ITGA2B: variants seen among roughly 807,000 people sequenced by gnomAD.
ITGA2B encodes the protein integrin subunit alpha 2b, also known as integrin alpha-IIb.
In ITGA2B, 91 loss-of-function variants were observed where a neutral mutation model predicts 142.0. The observed-to-expected ratio is 0.64, with a 90% CI of 0.54 to 0.76. The LOEUF (loss-of-function observed/expected upper bound fraction) is 0.76. Among genes scored for constraint, ITGA2B ranks in the 30% least tolerant of loss-of-function variants. ITGA2B has a pLI of 0.00. For missense variants in ITGA2B, 1,231 were observed against 1,350.8 expected (o/e 0.91, Z 1.39); for synonymous variants, 536 against 567.2 (o/e 0.94, Z 0.78).
intron 8 of ITGA2B, 56 bp downstream of exon 8, chr17:44,384,482 A>G: frequency 6.2e-7 from 1 of 1,610,976 alleles, no homozygotes; most frequent in Non-Finnish European, 8.5e-7. Flanking sequence ...AGATTTCAGG[A>G]AGGCGCTCCT....
chr17:44,384,686 C>T, intron 7 of ITGA2B, 101 bp from the exon 8 acceptor site: 1 of 1,427,148 alleles, frequency 7.0e-7, no homozygotes, highest in East Asian at 2.3e-5. Context: ...CCCAGCCCTG[C>T]ATTGTGCAGA....
chr17:44,385,759 G>C, intron 3 of ITGA2B, 43 bp from the exon 4 acceptor site: 1 of 1,612,982 alleles, frequency 6.2e-7, no homozygotes, highest in Non-Finnish European at 8.5e-7. Context: ...CGAGACTTGG[G>C]CTCCTCCTGG....
Position 44,385,540 on chromosome 17 carries a change from C to T in ITGA2B, c.574+11G>A, listed in dbSNP as rs2048639323. 6.4e-7 allele frequency: 1 copy of T among 1,552,366 alleles called. No individual in the cohort carries two copies. The highest frequency in any genetic ancestry group is 2.4e-5 in the East Asian group (1 of 42,066). On this transcript the variant is annotated intron_variant, in intron 4 of 29. Coordinates refer to ENST00000262407, the MANE Select transcript of ITGA2B (RefSeq NM_000419.5). The stretch of plus-strand genomic sequence containing the variant: ...GCGAGTGGGCGGGGCCAGGTCGTAG[C>T]TGGCGCTTACTAAAATCATTTTCCA...
At chr17:44,375,243 G>A in intron 26 of ITGA2B, 132 bp from the exon 27 acceptor site, 1 of 765,066 alleles carries the variant, frequency 1.3e-6, no homozygotes, top group Non-Finnish European at 2.2e-6. Context: ...ATCAGGAAGG[G>A]CCTTGGATCC....
chr17:44,373,144 T>TTTTTC (rs66936014), intron 29 of ITGA2B, among the ~76,000 whole-genome samples: 3 of 151,738 alleles, frequency 2.0e-5, no homozygotes, highest in African/African-American at 7.3e-5. Context: ...CCACCTGGAA[T>TTTTTC]TTTTCTTTTC....
At position 44,376,385 on chromosome 17, in the gene ITGA2B, C is replaced by T. The variant is rs1213763098; in HGVS notation, c.2271G>A (p.Lys757=). Residue 757 remains lysine, a synonymous_variant, in exon 23 of 30, where the codon AAG becomes AAA. Transcript: ENST00000262407. ...TCTTGCTGTTTGGATTCTGGCTGTT[C>T]TTGCTAGAGGGGAGGGGATGAGGAG... The part of the protein sequence containing the change: ...SVSFQLQIRS[K]NSQNPNSKIV... 1 of 1,614,182 alleles carries T rather than the reference C, an allele frequency of 6.2e-7. No individual in the cohort carries two copies. Among genetic ancestry groups the T allele is most frequent in the Non-Finnish European group, 8.5e-7 (1 of 1,180,024 alleles).
At chr17:44,376,883 G>A in intron 22 of ITGA2B, 126 bp downstream of exon 22, 1 of 752,948 alleles carries the variant, frequency 1.3e-6, no homozygotes, top group South Asian at 1.5e-5. Context: ...AACGTGCTGG[G>A]ATTACAGGTG....
rs145564830 is a variant in ITGA2B, at chr17:44,374,785, G to A, written c.2842-25C>T. 1,283 of 1,590,544 alleles carry A rather than the reference G, an allele frequency of 8.1e-4. 2 individuals carry two copies. Among genetic ancestry groups the A allele is most frequent in the Non-Finnish European group, 1.1e-3 (1,237 of 1,158,990 alleles). On this transcript the variant is annotated intron_variant, in intron 27 of 29. Coordinates refer to ENST00000262407, the MANE Select transcript of ITGA2B (RefSeq NM_000419.5). ...TCTGGACAGGTTGGGGTTGAAAGCCGTTTACACCCACAAGAGGCCTATTGG... is the reference window on the plus strand; with the variant it reads ...TCTGGACAGGTTGGGGTTGAAAGCCATTTACACCCACAAGAGGCCTATTGG...
intron 1 of ITGA2B, among the ~76,000 whole-genome samples, chr17:44,388,351 CTTT>C (rs35720866): frequency 1.0e-5 from 1 of 97,362 alleles, no homozygotes; most frequent in Non-Finnish European, 1.9e-5. Flanking sequence ...CATTTCCTTT[CTTT>C]TTTTTTTTTT....
chr17:44,381,006 C>T lies in ITGA2B; in HGVS notation c.1266G>A (p.Val422=), dbSNP rs759632907. 8 of 1,613,290 alleles carry T rather than the reference C, an allele frequency of 5.0e-6. 1 individual carries two copies. The South Asian group carries it at 8.8e-5, about 18-fold the overall frequency. ...TCAGCCCCTCACTCTGACCCAGGAACACCAGCACTTGGCCCCGGCCACTGG... is the reference window on the plus strand; with the variant it reads ...TCAGCCCCTCACTCTGACCCAGGAATACCAGCACTTGGCCCCGGCCACTGG... ...GGPSGRGQVL[V]FLGQSEGLRS... is the part of the protein sequence containing the mutation. The change falls in exon 13 of 30, where the codon GTG becomes GTA. Residue 422 remains valine (V), a synonymous_variant. Coordinates refer to ENST00000262407, the MANE Select transcript of ITGA2B (RefSeq NM_000419.5).
At position 44,386,094 on chromosome 17, in the gene ITGA2B, G is replaced by T; in HGVS notation, c.226C>A (p.Pro76Thr). The T allele has an allele frequency of 6.2e-7, 1 of 1,608,946 alleles. No individual in the cohort carries two copies. Among genetic ancestry groups the T allele is most frequent in the Non-Finnish European group, 8.5e-7 (1 of 1,179,078 alleles). The change falls in exon 2 of 30, where the codon CCC becomes ACC. Residue 76 changes from proline (P) to threonine (T), a missense_variant. Pro to Thr is a conservative substitution (Grantham distance 38). Coordinates refer to ENST00000262407, the MANE Select transcript of ITGA2B (RefSeq NM_000419.5). ...ACGCCGCCCGTCTCCTCCTGGCTGG[G>T]GCCCAGGGTCCGCGGGGCGCCCACC... ...IVVGAPRTLG[P>T]SQEETGGVFL...
In ITGA2B at chr17:44,380,230, C is replaced by G. The variant is rs199614885; in HGVS notation, c.1600+16G>C. The G allele has an allele frequency of 1.2e-5, 20 of 1,614,044 alleles. No homozygotes were observed. In the South Asian group the frequency reaches 2.1e-4, roughly 17 times the overall value. ...GTCCAAGCCCACCTCCCTCCTGCCC[C>G]CTTCATGCCACTCACATAGCTTCTG... On this transcript the variant is annotated intron_variant, in intron 16 of 29. Coordinates refer to ENST00000262407, the MANE Select transcript of ITGA2B (RefSeq NM_000419.5).
At chr17:44,385,134 A>C (rs765496136) in intron 6 of ITGA2B, 30 bp downstream of exon 6, 3 of 1,614,056 alleles carry the variant, frequency 1.9e-6, no homozygotes, top group Non-Finnish European at 1.7e-6. Flanking sequence ...GGCCGCGAGA[A>C]GGGAGGGAGG....
chr17:44,389,565 T>G lies in ITGA2B; in HGVS notation c.-92A>C. On this transcript the variant is annotated 5_prime_UTR_variant, in exon 1 of 30. Coordinates refer to ENST00000262407, the MANE Select transcript of ITGA2B (RefSeq NM_000419.5). Reference sequence around the variant, plus strand: ...CACAGGAAGTCTTTTCTTATCAAACTGGAACCCCAAGTAACTTGCTGAGCA... The same window carrying G: ...CACAGGAAGTCTTTTCTTATCAAACGGGAACCCCAAGTAACTTGCTGAGCA... 7.2e-7 allele frequency: 1 copy of G among 1,392,102 alleles called. No homozygotes were observed. Among genetic ancestry groups the G allele is most frequent in the Non-Finnish European group, 9.9e-7 (1 of 1,005,262 alleles). The allele number at this position is 1,392,102 out of a possible 1,614,324, so 86.2% of individuals were successfully genotyped here. A position where few individuals can be genotyped will look rare whatever the true frequency, so the allele number is the denominator to read the frequency against.
Position 44,384,126 on chromosome 17 carries a change from C to T in ITGA2B, c.904G>A (p.Asp302Asn), listed in dbSNP as rs560777742. ...CGATGCAGCCTCTGGTAGTAGGAAT[C>T]CAAAATTTCCACCTGCACGGACAGC... Reference protein sequence around the residue: ...SWTLGAVEILDSYYQRLHRLR... With the variant: ...SWTLGAVEILNSYYQRLHRLR... Residue 302 changes from aspartate (D) to asparagine (N), a missense_variant, in exon 10 of 30, where the codon GAT becomes AAT. Around this residue, in one of 3 missense-constraint regions of ITGA2B, gnomAD observed 908 missense variants for 1,021.1 expected, o/e 0.89. Transcript: ENST00000262407. 2 of 1,613,700 alleles carry T rather than the reference C, an allele frequency of 1.2e-6. No homozygotes were observed. Among genetic ancestry groups the T allele is most frequent in the East Asian group, 4.5e-5 (2 of 44,878 alleles).
At chr17:44,377,821 A>G (rs767678514) in intron 20 of ITGA2B, 31 bp from the exon 21 acceptor site, 4 of 1,422,354 alleles carry the variant, frequency 2.8e-6, no homozygotes, top group Non-Finnish European at 3.9e-6. Flanking sequence ...GAAAGAAATT[A>G]CAGAGCATCA....
At position 44,376,156 on chromosome 17, in the gene ITGA2B, CCACCACCAGGGAGGCTGGAA is replaced by C; in HGVS notation, c.2357_2376del (p.Phe786CysfsTer6). The C allele has an allele frequency of 6.2e-7, 1 of 1,614,202 alleles. No individual in the cohort carries two copies. The highest frequency in any genetic ancestry group is 8.5e-7 in the Non-Finnish European group (1 of 1,180,030). On this transcript the variant is annotated frameshift_variant, in exon 24 of 30. Transcript: ENST00000262407. LOFTEE classifies it high-confidence loss of function. ...TGCTCCCTCTCACCTTCTTCTGCTGCCACCACCAGGGAGGCTGGAAAGGAGTTCCTGCAGGTGCCCAAGAC... is the reference window on the plus strand; with the variant it reads ...TGCTCCCTCTCACCTTCTTCTGCTGCAGGAGTTCCTGCAGGTGCCCAAGAC...
chr17:44,372,502 CTA>C, intron 29 of ITGA2B, 79 bp from the exon 30 acceptor site: 1 of 1,259,558 alleles, frequency 7.9e-7, no homozygotes, highest in South Asian at 1.2e-5. Context: ...AGTATGCTAG[CTA>C]TGAGCACCTC....
chr17:44,380,591 A>G lies in ITGA2B; in HGVS notation c.1439+9T>C, dbSNP rs771115215. ...CCTTCCCCATCCCGCCCCTGGAGCC[A>G]GTGCTCACCTGTACACAGCCACCTG... On this transcript the variant is annotated intron_variant, in intron 14 of 29. Coordinates refer to ENST00000262407, the MANE Select transcript of ITGA2B (RefSeq NM_000419.5). 2 of 1,614,132 alleles carry G rather than the reference A, an allele frequency of 1.2e-6. No homozygotes were observed. Among genetic ancestry groups the G allele is most frequent in the Non-Finnish European group, 1.7e-6 (2 of 1,180,018 alleles).
Sources: gnomAD v4.1 joint callset for allele counts (sites outside exome capture counted in the v4.1 genomes callset) on GRCh38, gnomAD v4.1.1 for gene constraint, gnomAD v4.1.1 regional missense constraint, MANE v1.5 for transcripts, NCBI Gene and HGNC (gene_info 2026-07-23, HGNC 2026-07-21) for gene names.